Variants in GRID2 observed in about 807,000 individuals in gnomAD.
GRID2 encodes the protein glutamate receptor ionotropic, delta-2.
GRID2 carries 33 observed loss-of-function variants against 114.8 expected under a neutral mutation model. The observed-to-expected ratio is 0.29, with a 90% CI of 0.22 to 0.38. The LOEUF is 0.38. Ranked by LOEUF, GRID2 falls within the 10% of genes least tolerant of loss-of-function variation. The probability of loss-of-function intolerance (pLI) is 1.00; values close to 1 mark genes in which losing one functional copy is unlikely to be tolerated. For synonymous variants in GRID2, 505 were observed against 449.9 expected (o/e 1.12, Z -1.55); for missense variants, 1,184 against 1,257.7 (o/e 0.94, Z 0.89).
chr4:92,686,383 T>C (rs1324194728), intron 2 of GRID2, among the ~76,000 whole-genome samples: 2 of 152,108 alleles, frequency 1.3e-5, no homozygotes, highest in African/African-American at 2.4e-5. Context: ...TTTTGGATGT[T>C]ACAATTAAAT....
rs116149654 is a variant in GRID2 at position 93,618,180 on chromosome 4, G to A, written c.2194-8089G>A. Among the ~76,000 whole-genome samples the A allele has an allele frequency of 5.7e-3, 868 of 152,250 alleles. 4 individuals are homozygous for A. Among genetic ancestry groups the A allele is most frequent in the African/African-American group, 0.019 (774 of 41,518 alleles). On this transcript the variant is annotated intron_variant, in intron 13 of 15. Transcript: ENST00000282020. Reference sequence around the variant, plus strand: ...TATTCAATACTTTGGTTGAGAAACTGGGGCTGGATTATTTGTTGTAGCCTC... The same window carrying A: ...TATTCAATACTTTGGTTGAGAAACTAGGGCTGGATTATTTGTTGTAGCCTC...
At chr4:92,851,352 A>G (rs1325029261) in intron 2 of GRID2, among the ~76,000 whole-genome samples, 5 of 151,972 alleles carry the variant, frequency 3.3e-5, no homozygotes, top group Non-Finnish European at 7.4e-5. Flanking sequence ...AAACATTTCT[A>G]TTAAAGCAAT....
At chr4:92,880,386 TATTTTTTTTCTCAGTGAACAA>T (rs1448561053) in intron 2 of GRID2, among the ~76,000 whole-genome samples, 2 of 152,172 alleles carry the variant, frequency 1.3e-5, no homozygotes, top group African/African-American at 2.4e-5. Context: ...TAGTCCATAA[TATTTTTTTTCTCAGTGAACAA>T]ATTTTTTTCC....
intron 1 of GRID2, among the ~76,000 whole-genome samples, chr4:92,406,741 C>A (rs1208351086): frequency 6.6e-6 from 1 of 150,890 alleles, no homozygotes; most frequent in African/African-American, 2.4e-5. Context: ...GTTTGTTATT[C>A]CCAACCTTAC....
chr4:92,750,389 G>A lies in GRID2; in HGVS notation c.244+160103G>A, dbSNP rs1169714611. On this transcript the variant is annotated intron_variant, in intron 2 of 15. Coordinates refer to ENST00000282020, the MANE Select transcript of GRID2 (RefSeq NM_001510.4). ...CTACTTTCGCTAAGCCCTTAGGATCGATAATTAATATGAAAATTCAACATT... is the reference window on the plus strand; with the variant it reads ...CTACTTTCGCTAAGCCCTTAGGATCAATAATTAATATGAAAATTCAACATT... Among the ~76,000 whole-genome samples, 4 of 152,204 alleles carry A rather than the reference G, an allele frequency of 2.6e-5. No homozygotes were observed. The East Asian group carries it at 5.8e-4, about 22-fold the overall frequency.
chr4:92,548,401 A>ATTTTTTTTTATTTTTTTTTTTTTTTT (rs1726386207), intron 1 of GRID2, among the ~76,000 whole-genome samples: 1 of 60,808 alleles, frequency 1.6e-5, no homozygotes, highest in East Asian at 5.2e-4. Context: ...AGACTGTGTA[A>ATTTTTTTTTATTTTTTTTTTTTTTTT]TTTTTTTTTT....
intron 1 of GRID2, among the ~76,000 whole-genome samples, chr4:92,417,179 G>T (rs1169154241): frequency 3.9e-5 from 6 of 151,972 alleles, no homozygotes; most frequent in Admixed American, 3.9e-4. Context: ...ATAAATTTTT[G>T]TTTTTGAAAA....
intron 14 of GRID2, among the ~76,000 whole-genome samples, chr4:93,635,392 A>T (rs1721323773): frequency 6.7e-6 from 1 of 149,036 alleles, no homozygotes; most frequent in South Asian, 2.1e-4. Context: ...GGATGCTATA[A>T]TAATATATAT....
chr4:92,955,079 T>G (rs1277291087), intron 2 of GRID2, among the ~76,000 whole-genome samples: 2 of 110,688 alleles, frequency 1.8e-5, no homozygotes, highest in Non-Finnish European at 3.5e-5. Flanking sequence ...TAAACATACA[T>G]GTGCATGTGT....
At chr4:92,681,896 TAAG>T (rs1348899041) in intron 2 of GRID2, among the ~76,000 whole-genome samples, 2 of 151,438 alleles carry the variant, frequency 1.3e-5, no homozygotes, top group African/African-American at 2.4e-5. Flanking sequence ...GTTTCCCAGT[TAAG>T]AAGAAAAAAA....
At chr4:92,402,173 T>C (rs943273152) in intron 1 of GRID2, among the ~76,000 whole-genome samples, 1 of 152,150 alleles carries the variant, frequency 6.6e-6, no homozygotes, top group African/African-American at 2.4e-5. Flanking sequence ...CTAATTCTAG[T>C]TCTCTTGCTA....
intron 14 of GRID2, among the ~76,000 whole-genome samples, chr4:93,663,704 T>C (rs1044114278): frequency 5.3e-5 from 8 of 152,158 alleles, no homozygotes; most frequent in Non-Finnish European, 2.9e-5. Flanking sequence ...TATTATGGAA[T>C]TTTTGGCTAG....
chr4:92,900,824 ACTT>A (rs1329441025), intron 2 of GRID2, among the ~76,000 whole-genome samples: 1 of 129,818 alleles, frequency 7.7e-6, no homozygotes, highest in South Asian at 2.6e-4. Context: ...ACAGAGTGAG[ACTT>A]CGTCTCAAAA....
chr4:92,304,451 G>T lies in GRID2; in HGVS notation c.-206G>T, dbSNP rs533068640. The T allele has an allele frequency of 2.7e-5, 16 of 598,638 alleles. No individual in the cohort carries two copies. The East Asian group carries it at 4.3e-4, about 16-fold the overall frequency. The allele number at this position is 598,638 out of a possible 1,614,324, so 37.1% of individuals were successfully genotyped here. ...TCCCCTCCAAGTGACACGGCTTTGCGAAGGAGGTTTCCTCAGGCTGGGCTC... is the reference window on the plus strand; with the variant it reads ...TCCCCTCCAAGTGACACGGCTTTGCTAAGGAGGTTTCCTCAGGCTGGGCTC... On this transcript the variant is annotated 5_prime_UTR_variant, in exon 1 of 16. Coordinates refer to ENST00000282020, the MANE Select transcript of GRID2 (RefSeq NM_001510.4).
intron 2 of GRID2, among the ~76,000 whole-genome samples, chr4:92,885,313 G>C (rs1254448672): frequency 1.3e-5 from 2 of 152,148 alleles, no homozygotes; most frequent in African/African-American, 4.8e-5. Context: ...CTAAGCCTGG[G>C]GGTGTTCTGG....
At chr4:93,150,198 C>A (rs781090361) in intron 4 of GRID2, among the ~76,000 whole-genome samples, 1 of 152,030 alleles carries the variant, frequency 6.6e-6, no homozygotes, top group African/African-American at 2.4e-5. Context: ...TCTAGTTGTA[C>A]ATATTTAAAT....
intron 2 of GRID2, among the ~76,000 whole-genome samples, chr4:93,019,759 CT>C (rs1723101682): frequency 6.6e-6 from 1 of 152,010 alleles, no homozygotes; most frequent in African/African-American, 2.4e-5. Flanking sequence ...TCCAGATGCT[CT>C]CTTTTTTGTA....
At chr4:93,590,243 G>C (rs978981446) in intron 13 of GRID2, among the ~76,000 whole-genome samples, 2 of 150,654 alleles carry the variant, frequency 1.3e-5, no homozygotes, top group Non-Finnish European at 1.5e-5. Context: ...AAGGCGTAAG[G>C]AAGGGATCCA....
chr4:92,482,620 G>A (rs955720524), intron 1 of GRID2, among the ~76,000 whole-genome samples: 5 of 151,902 alleles, frequency 3.3e-5, no homozygotes, highest in Non-Finnish European at 5.9e-5. Context: ...TTTTTAAGAC[G>A]AGATTAATTT....
Sources: allele counts gnomAD v4.1 joint callset (sites outside exome capture counted in the v4.1 genomes callset), GRCh38; gene constraint gnomAD v4.1.1; transcripts MANE v1.5; gene names NCBI Gene and HGNC (gene_info 2026-07-23, HGNC 2026-07-21).